SEMA3C: variants seen among roughly 807,000 people sequenced by gnomAD.
SEMA3C encodes the protein semaphorin 3C, also known as semaphorin-3C.
Under a neutral mutation model 89.4 loss-of-function variants are expected in SEMA3C, and 47 were observed. The observed-to-expected ratio is 0.53, with a 90% CI of 0.42 to 0.67. The LOEUF (loss-of-function observed/expected upper bound fraction) is 0.67. Among genes scored for constraint, SEMA3C ranks in the 30% least tolerant of loss-of-function variants. SEMA3C has a pLI of 0.00. For missense variants in SEMA3C, 839 were observed against 929.1 expected (o/e 0.90, Z 1.26); for synonymous variants, 310 against 320.2 (o/e 0.97, Z 0.34).
chr7:80,908,188 G>A (rs1436616149), intron 2 of SEMA3C, among the ~76,000 whole-genome samples: 1 of 151,824 alleles, frequency 6.6e-6, no homozygotes, highest in African/African-American at 2.4e-5. Flanking sequence ...ATTTCTACTT[G>A]ACTCAATTAC....
upstream of SEMA3C, chr7:80,919,287 A>G (rs1792359729): frequency 5.1e-6 from 5 of 984,018 alleles, no homozygotes; most frequent in Non-Finnish European, 6.0e-6. Flanking sequence ...GCGGCTGGCC[A>G]GACGCAAGAA....
chr7:80,831,904 A>T lies in SEMA3C; in HGVS notation c.104-3159T>A, dbSNP rs540650869. Among the ~76,000 whole-genome samples the T allele has an allele frequency of 8.4e-3, 1,277 of 152,250 alleles. 21 individuals are homozygous for T. The highest frequency in any genetic ancestry group is 0.038 in the South Asian group (185 of 4,830). ...TACTTTTGGGAGATCTGAAAAGGAG[A>T]TATATTTGGTAGAGAAAGTACTTAG... On this transcript the variant is annotated intron_variant, in intron 2 of 17. Coordinates refer to ENST00000265361, the MANE Select transcript of SEMA3C (RefSeq NM_006379.5).
At chr7:80,873,926 T>C (rs1399767943) in intron 2 of SEMA3C, among the ~76,000 whole-genome samples, 2 of 152,120 alleles carry the variant, frequency 1.3e-5, no homozygotes, top group Admixed American at 1.3e-4. Context: ...AGTTATGTTG[T>C]TGTTCCTGTT....
In SEMA3C at chr7:80,818,392, T is replaced by G. The variant is rs1240532232; in HGVS notation, c.354A>C (p.Val118=). The G allele has an allele frequency of 6.2e-7, 1 of 1,613,326 alleles. No individual in the cohort carries two copies. The highest frequency in any genetic ancestry group is 1.3e-5 in the African/African-American group (1 of 75,052). ...PTHGCGNFVR[V]IQTFNRTHLY... ...AATGTGTGCGATTGAAAGTCTGAAT[T>G]ACACGGACAAAGTTCCCACAGCCGT... is the stretch of plus-strand genomic sequence containing the variant. Residue 118 remains valine (V), a synonymous_variant, in exon 5 of 18, where the codon GTA becomes GTC. Transcript: ENST00000265361.
intron 14 of SEMA3C, among the ~76,000 whole-genome samples, chr7:80,760,032 A>G: frequency 6.6e-6 from 1 of 152,224 alleles, no homozygotes; most frequent in East Asian, 1.9e-4. Flanking sequence ...CAAATTAAAA[A>G]ATAAGAGAGC....
chr7:80,918,900 C>T lies in SEMA3C; in HGVS notation c.-111G>A, dbSNP rs1792342262. ...GGTTGGATGCGCTTGTGTCTCCAGT[C>T]CTTTTCCCAGACGACCTTATTTTCT... On this transcript the variant is annotated 5_prime_UTR_variant, in exon 1 of 18. Transcript: ENST00000265361. The T allele has an allele frequency of 1.0e-6, 1 of 985,474 alleles. No individual in the cohort carries two copies. Among genetic ancestry groups the T allele is most frequent in the African/African-American group, 1.7e-5 (1 of 57,380 alleles). The allele number at this position is 985,474 out of a possible 1,614,324, so 61.0% of individuals were successfully genotyped here. A position where few individuals can be genotyped will look rare whatever the true frequency, so the allele number is the denominator to read the frequency against.
chr7:80,776,922 T>C (rs1024860190), intron 12 of SEMA3C, among the ~76,000 whole-genome samples: 1 of 152,100 alleles, frequency 6.6e-6, no homozygotes, highest in Non-Finnish European at 1.5e-5. Flanking sequence ...TGACAAACAT[T>C]CCAAATACTT....
chr7:80,914,317 A>G (rs1358270092), intron 2 of SEMA3C, among the ~76,000 whole-genome samples: 1 of 152,150 alleles, frequency 6.6e-6, no homozygotes, highest in Non-Finnish European at 1.5e-5. Flanking sequence ...TTAAAAACCT[A>G]CTTGGTACAA....
intron 2 of SEMA3C, among the ~76,000 whole-genome samples, chr7:80,857,922 G>C (rs1392839075): frequency 1.3e-5 from 2 of 151,940 alleles, no homozygotes; most frequent in Non-Finnish European, 2.9e-5. Context: ...TCTAAATATA[G>C]GCAAATATAT....
intron 15 of SEMA3C, among the ~76,000 whole-genome samples, chr7:80,751,593 G>A (rs545588321): frequency 1.3e-5 from 2 of 152,048 alleles, no homozygotes; most frequent in South Asian, 2.1e-4. Flanking sequence ...GCTATGAATC[G>A]CCTGCTGCAT....
intron 2 of SEMA3C, among the ~76,000 whole-genome samples, chr7:80,890,490 C>G (rs1206841265): frequency 6.6e-6 from 1 of 152,084 alleles, no homozygotes; most frequent in African/African-American, 2.4e-5. Flanking sequence ...TCTAAACAAC[C>G]AAATCTAAAG....
At chr7:80,919,085 C>G, upstream of SEMA3C, 1 of 985,236 alleles carries the variant, frequency 1.0e-6, no homozygotes, top group Non-Finnish European at 1.2e-6. Flanking sequence ...GGGGCGAGCG[C>G]TCTTGGTGTC....
At chr7:80,852,677 A>ATTTTTTT (rs751469979) in intron 2 of SEMA3C, among the ~76,000 whole-genome samples, 1 of 137,976 alleles carries the variant, frequency 7.2e-6, no homozygotes, top group African/African-American at 2.7e-5. Flanking sequence ...CTGAATAGAC[A>ATTTTTTT]TTTTTTTTTT....
Position 80,818,372 on chromosome 7 carries a change from G to T in SEMA3C, c.374C>A (p.Thr125Lys), listed in dbSNP as rs1789661566. 6.2e-7 allele frequency: 1 copy of T among 1,613,278 alleles called. No individual in the cohort carries two copies. The highest frequency in any genetic ancestry group is 1.3e-5 in the African/African-American group (1 of 74,916). Residue 125 changes from threonine to lysine, a missense_variant, in exon 5 of 18, where the codon ACA becomes AAA. Transcript: ENST00000265361. ...FVRVIQTFNRTHLYVCGSGAF... is the reference protein window; with the variant it reads ...FVRVIQTFNRKHLYVCGSGAF... ...GCCACTCCCACAGACATACAAATGT[G>T]TGCGATTGAAAGTCTGAATTACACG...
intron 2 of SEMA3C, among the ~76,000 whole-genome samples, chr7:80,892,413 T>C (rs1467922684): frequency 6.6e-6 from 1 of 152,178 alleles, no homozygotes; most frequent in African/African-American, 2.4e-5. Flanking sequence ...TTTCGTCCTT[T>C]TGTATGATTC....
chr7:80,799,250 C>G (rs1789139930), intron 10 of SEMA3C, among the ~76,000 whole-genome samples: 2 of 152,070 alleles, frequency 1.3e-5, no homozygotes, highest in South Asian at 4.1e-4. Flanking sequence ...CTTTGAATAG[C>G]TCATTGCAGT....
chr7:80,861,894 C>G (rs145458789), intron 2 of SEMA3C, among the ~76,000 whole-genome samples: 5,003 of 152,214 alleles, frequency 0.033, 106 homozygotes, highest in South Asian at 0.056. Flanking sequence ...ATCCAGCATC[C>G]CTTTATGATT....
At chr7:80,909,842 A>G (rs1792101717) in intron 2 of SEMA3C, among the ~76,000 whole-genome samples, 1 of 152,164 alleles carries the variant, frequency 6.6e-6, no homozygotes, top group African/African-American at 2.4e-5. Context: ...GTATTGCCTC[A>G]ATCTTCGCAA....
intron 11 of SEMA3C, among the ~76,000 whole-genome samples, chr7:80,795,417 C>A (rs1789038314): frequency 6.6e-6 from 1 of 152,086 alleles, no homozygotes; most frequent in Admixed American, 6.6e-5. Context: ...GGTCTCAACA[C>A]CAGATGTAAG....
Sources: gnomAD v4.1 joint callset for allele counts (sites outside exome capture counted in the v4.1 genomes callset) on GRCh38, gnomAD v4.1.1 for gene constraint, MANE v1.5 for transcripts, NCBI Gene and HGNC (gene_info 2026-07-23, HGNC 2026-07-21) for gene names.